The following AMPD3 variants were observed in gnomAD, a reference collection of about 807,000 sequenced individuals.
AMPD3 encodes the protein adenosine monophosphate deaminase 3.
AMPD3 carries 57 observed loss-of-function variants against 82.3 expected under a neutral mutation model. That is an observed-to-expected ratio of 0.69 (90% CI 0.56 to 0.86). The LOEUF is 0.86. AMPD3 is among the 40% of genes least tolerant of loss of function. The pLI, the probability that AMPD3 is intolerant of heterozygous loss-of-function variation, is 0.00. For missense variants in AMPD3, 870 were observed against 1,003.8 expected (o/e 0.87, Z 1.80); for synonymous variants, 381 against 394.7 (o/e 0.97, Z 0.41).
At position 10,487,118 on chromosome 11, in the gene AMPD3, C is replaced by T. The variant is rs530802310; in HGVS notation, c.810-117C>T. On this transcript the variant is annotated intron_variant, in intron 5 of 14. Coordinates refer to ENST00000396553, the MANE Select transcript of AMPD3 (RefSeq NM_001025389.2). ...GTAGAAAGCCAGAACCTCCTCATTC[C>T]GCCCTGCTCCGTCCTGACCCTTCCA... The T allele has an allele frequency of 4.6e-5, 73 of 1,576,650 alleles. No individual in the cohort carries two copies. The East Asian group carries it at 5.9e-4, about 13-fold the overall frequency.
At position 10,469,758 on chromosome 11, in the gene AMPD3, G is replaced by A. The variant is rs10466516; in HGVS notation, c.221+8018G>A. Reference sequence around the variant, plus strand: ...GATGAACATCGATGTAAAAGTCTTCGGCCGGGCGCGGTGGCTCACGCCTGT... The same window carrying A: ...GATGAACATCGATGTAAAAGTCTTCAGCCGGGCGCGGTGGCTCACGCCTGT... On this transcript the variant is annotated intron_variant, in intron 2 of 14. Transcript: ENST00000396553. Among the ~76,000 whole-genome samples the A allele has an allele frequency of 6.5e-3, 996 of 152,290 alleles. 8 individuals are homozygous for A. Among genetic ancestry groups the A allele is most frequent in the African/African-American group, 0.023 (939 of 41,550 alleles).
intron 3 of AMPD3, 104 bp downstream of exon 3, chr11:10,478,834 A>T (rs889384372): frequency 3.2e-5 from 40 of 1,263,432 alleles, no homozygotes; most frequent in Non-Finnish European, 4.1e-5. Context: ...CTGTCCGTGG[A>T]TGTCTGGGAG....
chr11:10,454,847 G>C (rs1848047289), upstream of AMPD3, among the ~76,000 whole-genome samples: 1 of 152,086 alleles, frequency 6.6e-6, no homozygotes, highest in Non-Finnish European at 1.5e-5. Context: ...CATACTGTAA[G>C]TTCATTTAAT....
At chr11:10,481,666 G>T (rs545464686) in intron 3 of AMPD3, 2 of 254,340 alleles carry the variant, frequency 7.9e-6, no homozygotes, top group Admixed American at 6.5e-5. Flanking sequence ...GATACGAGGT[G>T]CAAGCTTCCA....
At chr11:10,470,197 G>C (rs1848549160) in intron 2 of AMPD3, among the ~76,000 whole-genome samples, 2 of 152,156 alleles carry the variant, frequency 1.3e-5, no homozygotes, top group South Asian at 4.1e-4. Flanking sequence ...CGCATAAACA[G>C]AACCAATGAC....
intron 11 of AMPD3, chr11:10,501,095 G>A (rs1457804477): frequency 1.0e-6 from 1 of 985,372 alleles, no homozygotes; most frequent in Non-Finnish European, 1.2e-6. Flanking sequence ...CACTCTCCGG[G>A]CCTTGGTTTG....
intron 10 of AMPD3, chr11:10,497,870 C>G: frequency 1.0e-6 from 1 of 978,468 alleles, no homozygotes; most frequent in Non-Finnish European, 1.2e-6. Flanking sequence ...ACAATTACCC[C>G]GTTACTATCA....
At chr11:10,484,093 A>G (rs1319686754) in intron 4 of AMPD3, 2 of 206,046 alleles carry the variant, frequency 9.7e-6, no homozygotes, top group African/African-American at 4.7e-5. Flanking sequence ...ACACTATTGC[A>G]ACCCTCACAG....
upstream of AMPD3, chr11:10,450,533 G>C (rs1847933604): frequency 3.0e-6 from 3 of 986,104 alleles, no homozygotes; most frequent in Non-Finnish European, 3.6e-6. Flanking sequence ...CGGGCGGCAC[G>C]GGGAGCGGTG....
At chr11:10,454,864 A>G (rs922869816), upstream of AMPD3, among the ~76,000 whole-genome samples, 1 of 152,150 alleles carries the variant, frequency 6.6e-6, no homozygotes, top group Non-Finnish European at 1.5e-5. Flanking sequence ...TAATTGTTTA[A>G]TGAATAAATA....
intron 11 of AMPD3, 156 bp from the exon 12 acceptor site, chr11:10,501,314 G>A (rs1051127458): frequency 7.2e-5 from 71 of 985,154 alleles, no homozygotes; most frequent in Non-Finnish European, 8.3e-5. Context: ...CTGGACCTCT[G>A]CATTTTAGGA....
chr11:10,500,525 C>G, intron 11 of AMPD3: 1 of 844,828 alleles, frequency 1.2e-6, no homozygotes, highest in Non-Finnish European at 1.4e-6. Flanking sequence ...CAGCCACAGT[C>G]CACACGTGTC....
chr11:10,488,456 A>G (rs1002327199), intron 6 of AMPD3: 48 of 939,292 alleles, frequency 5.1e-5, no homozygotes, highest in Non-Finnish European at 5.7e-5. Context: ...GTCAGGAGGG[A>G]GGGATGGTAT....
intron 1 of AMPD3, among the ~76,000 whole-genome samples, chr11:10,457,238 A>G (rs1848123422): frequency 6.6e-6 from 1 of 151,624 alleles, no homozygotes; most frequent in Non-Finnish European, 1.5e-5. Context: ...TCAGCCTCCC[A>G]AATTGCTTGG....
intron 14 of AMPD3, 57 bp from the exon 15 acceptor site, chr11:10,505,651 G>C: frequency 1.3e-6 from 2 of 1,595,438 alleles, no homozygotes; most frequent in Non-Finnish European, 1.7e-6. Flanking sequence ...TGCCCACATG[G>C]CTATAGAAAG....
At chr11:10,468,349 A>T (rs1368384177) in intron 2 of AMPD3, among the ~76,000 whole-genome samples, 1 of 152,114 alleles carries the variant, frequency 6.6e-6, no homozygotes, top group African/African-American at 2.4e-5. Context: ...GAAAGAAAAA[A>T]AAAAAAGCAG....
In AMPD3 at chr11:10,505,178, G is replaced by C. The variant is rs12224969; in HGVS notation, c.2127+519G>C. ...TTTTAAAAAGCCTGATGAGGAGCTG[G>C]CACTGAGACCCATGTTCTGATGTAC... On this transcript the variant is annotated intron_variant, in intron 14 of 14. Transcript: ENST00000396553. 2.4e-4 allele frequency: 232 copies of C among 985,398 alleles called. 3 individuals are homozygous for C. The East Asian group carries it at 0.017, about 72-fold the overall frequency. The allele number at this position is 985,398 out of a possible 1,614,324, so 61.0% of individuals were successfully genotyped here. A position where few individuals can be genotyped will look rare whatever the true frequency, so the allele number is the denominator to read the frequency against.
chr11:10,469,453 T>C (rs1366110116), intron 2 of AMPD3, among the ~76,000 whole-genome samples: 1 of 152,146 alleles, frequency 6.6e-6, no homozygotes, highest in Non-Finnish European at 1.5e-5. Context: ...CAGGAAGAAG[T>C]TGAATCCCTG....
At chr11:10,503,203 C>A (rs1849626131) in intron 13 of AMPD3, among the ~76,000 whole-genome samples, 1 of 152,210 alleles carries the variant, frequency 6.6e-6, no homozygotes, top group East Asian at 1.9e-4. Context: ...TCTTCTTCAT[C>A]TGTAAAATGG....
Sources: gnomAD v4.1 joint callset for allele counts (sites outside exome capture counted in the v4.1 genomes callset) on GRCh38, gnomAD v4.1.1 for gene constraint, MANE v1.5 for transcripts, NCBI Gene and HGNC (gene_info 2026-07-23, HGNC 2026-07-21) for gene names.